Variants in SLC30A5 observed in about 807,000 individuals in gnomAD.
SLC30A5 encodes solute carrier family 30 member 5, also known as proton-coupled zinc antiporter SLC30A5.
SLC30A5 carries 33 observed loss-of-function variants against 79.6 expected under a neutral mutation model. That is an observed-to-expected ratio of 0.41 (90% CI 0.31 to 0.55). The LOEUF is 0.55. Ranked by LOEUF, SLC30A5 falls within the 20% of genes least tolerant of loss-of-function variation. SLC30A5 has a pLI of 0.20. For synonymous variants in SLC30A5, 299 were observed against 319.7 expected (o/e 0.94, Z 0.69); for missense variants, 788 against 928.1 (o/e 0.85, Z 1.96).
intron 13 of SLC30A5, 152 bp downstream of exon 13, chr5:69,122,047 A>G (rs1746550403): frequency 1.6e-6 from 1 of 612,414 alleles, no homozygotes; most frequent in Non-Finnish European, 2.9e-6. Context: ...TCACTATAGA[A>G]AATATTCTTA....
rs1746796302 is a variant in SLC30A5 at position 69,129,571 on chromosome 5, AAATGG to A, written c.2256_2260del (p.Met752IlefsTer15). The A allele has an allele frequency of 1.9e-6, 3 of 1,613,262 alleles. No homozygotes were observed. The East Asian group carries it at 6.7e-5, about 36-fold the overall frequency. On this transcript the variant is annotated frameshift_variant, in exon 16 of 16. Transcript: ENST00000396591. LOFTEE classifies it high-confidence loss of function. ...CATGATGTTCTGGCTATGACAAAACAAATGGAATCCATGAAATACTGCAAAGATGG... is the reference window on the plus strand; with the variant it reads ...CATGATGTTCTGGCTATGACAAAACAAATCCATGAAATACTGCAAAGATGG...
intron 1 of SLC30A5, among the ~76,000 whole-genome samples, chr5:69,097,114 T>TTTC (rs1745762786): frequency 3.3e-5 from 3 of 90,006 alleles, no homozygotes; most frequent in Admixed American, 1.1e-4. Context: ...TTTTTCTTTT[T>TTTC]TTTTTTTTTT....
chr5:69,101,556 C>T (rs1745920221), intron 2 of SLC30A5, among the ~76,000 whole-genome samples: 1 of 150,914 alleles, frequency 6.6e-6, no homozygotes. Context: ...GGATTACAGG[C>T]ATGAGCCACC....
intron 4 of SLC30A5, among the ~76,000 whole-genome samples, chr5:69,105,204 T>A (rs1746049840): frequency 6.6e-6 from 1 of 152,180 alleles, no homozygotes; most frequent in African/African-American, 2.4e-5. Context: ...CTACTCCCAT[T>A]TCATATTTCC....
Position 69,100,892 on chromosome 5 carries a change from G to A in SLC30A5, c.169G>A (p.Val57Ile). The change falls in exon 2 of 16, where the codon GTT becomes ATT. Residue 57 changes from valine to isoleucine, a missense_variant. Coordinates refer to ENST00000396591, the MANE Select transcript of SLC30A5 (RefSeq NM_022902.5). ...CGAATCATATGATCTCCTAAAAGCT[G>A]TTCACATTGTTCAGTTCATTTTTAT... ...LFESYDLLKA[V>I]HIVQFIFILK... 6.3e-7 allele frequency: 1 copy of A among 1,588,484 alleles called. No homozygotes were observed. Among genetic ancestry groups the A allele is most frequent in the Non-Finnish European group, 8.6e-7 (1 of 1,164,452 alleles).
intron 12 of SLC30A5, among the ~76,000 whole-genome samples, chr5:69,119,042 C>T (rs1047518901): frequency 6.6e-6 from 1 of 152,016 alleles, no homozygotes; most frequent in East Asian, 1.9e-4. Context: ...CTCAAGCAAT[C>T]CTCCCACCTT....
At chr5:69,099,114 A>G (rs983871421) in intron 1 of SLC30A5, among the ~76,000 whole-genome samples, 42 of 152,250 alleles carry the variant, frequency 2.8e-4, no homozygotes, top group African/African-American at 9.4e-4. Flanking sequence ...CTAAGTAAAT[A>G]GTACAAATAA....
At chr5:69,123,154 T>C (rs1746580063) in intron 13 of SLC30A5, 45 bp from the exon 14 acceptor site, 1 of 1,372,152 alleles carries the variant, frequency 7.3e-7, no homozygotes, top group Non-Finnish European at 1.0e-6. Context: ...AAAACTAAAT[T>C]AGATGTGCCT....
intron 1 of SLC30A5, among the ~76,000 whole-genome samples, chr5:69,095,451 C>T (rs988140446): frequency 1.3e-5 from 2 of 152,082 alleles, no homozygotes; most frequent in African/African-American, 2.4e-5. Context: ...CGGCCTGCCT[C>T]GGTCTTCCAA....
At chr5:69,096,632 A>G (rs534660785) in intron 1 of SLC30A5, among the ~76,000 whole-genome samples, 21 of 152,132 alleles carry the variant, frequency 1.4e-4, no homozygotes, top group Admixed American at 2.0e-4. Context: ...TTTAACTCCA[A>G]TATCCCAAAA....
intron 11 of SLC30A5, among the ~76,000 whole-genome samples, chr5:69,117,918 G>C (rs1268309772): frequency 6.7e-6 from 1 of 149,850 alleles, no homozygotes; most frequent in Non-Finnish European, 1.5e-5. Context: ...GCTCACGCCT[G>C]TAATCCCAGC....
rs796493077 is a variant in SLC30A5 at position 69,130,439 on chromosome 5, C to T, written c.*822C>T. 7.9e-5 allele frequency: 12 copies of T among 152,268 alleles called. 1 individual carries two copies. Among genetic ancestry groups the T allele is most frequent in the African/African-American group, 2.9e-4 (12 of 41,560 alleles). The allele number at this position is 152,268 out of a possible 1,614,324, so 9.4% of individuals were successfully genotyped here. ...TATCCAAGCAGTGGTAAGCTTTCATCCTTTCTTAGCTCCATAACGTTGTGA... is the reference window on the plus strand; with the variant it reads ...TATCCAAGCAGTGGTAAGCTTTCATTCTTTCTTAGCTCCATAACGTTGTGA... On this transcript the variant is annotated 3_prime_UTR_variant, in exon 16 of 16. Transcript: ENST00000396591.
intron 12 of SLC30A5, among the ~76,000 whole-genome samples, 158 bp downstream of exon 12, chr5:69,118,786 C>T (rs1386695885): frequency 1.3e-5 from 2 of 149,600 alleles, no homozygotes; most frequent in Non-Finnish European, 3.0e-5. Context: ...TATACTGCTC[C>T]CTCTTAGAAA....
intron 5 of SLC30A5, among the ~76,000 whole-genome samples, chr5:69,112,445 T>A (rs1462496582): frequency 6.6e-6 from 1 of 152,088 alleles, no homozygotes; most frequent in Non-Finnish European, 1.5e-5. Context: ...CTAGACCTGG[T>A]CTCTACAAAT....
At chr5:69,110,034 C>T (rs1746189615) in intron 5 of SLC30A5, among the ~76,000 whole-genome samples, 1 of 152,120 alleles carries the variant, frequency 6.6e-6, no homozygotes, top group African/African-American at 2.4e-5. Context: ...ATTGCTGACC[C>T]CCTACATAGA....
intron 3 of SLC30A5, among the ~76,000 whole-genome samples, chr5:69,103,739 C>T (rs976662109): frequency 6.6e-6 from 1 of 152,182 alleles, no homozygotes; most frequent in Non-Finnish European, 1.5e-5. Flanking sequence ...GTGATTCAAA[C>T]TAGAAATGTC....
chr5:69,127,473 C>CAAAAAAAAA (rs70989993), intron 14 of SLC30A5, among the ~76,000 whole-genome samples: 23 of 77,598 alleles, frequency 3.0e-4, no homozygotes, highest in African/African-American at 8.0e-4. Flanking sequence ...TACTAAAATA[C>CAAAAAAAAA]AAAAAAAAAA....
rs1024346923 is a variant in SLC30A5, at chr5:69,130,232, C to G, written c.*615C>G. 1.3e-5 allele frequency: 2 copies of G among 151,996 alleles called. No individual in the cohort carries two copies. The highest frequency in any genetic ancestry group is 4.8e-5 in the African/African-American group (2 of 41,392). 9.4% of individuals were successfully genotyped at this position (151,996 alleles called of 1,614,324 possible). On this transcript the variant is annotated 3_prime_UTR_variant, in exon 16 of 16. Transcript: ENST00000396591. The stretch of plus-strand genomic sequence containing the variant: ...TTTTTGATGTATTACAAAAATCAAC[C>G]ACTCTATAAAATAAATTTTTTTTAC...
chr5:69,103,986 G>T, intron 3 of SLC30A5: 2 of 1,563,512 alleles, frequency 1.3e-6, no homozygotes, highest in South Asian at 1.2e-5. Context: ...AAAAATTCCT[G>T]GTAGAAAAGA....
Sources: gnomAD v4.1 joint callset for allele counts (sites outside exome capture counted in the v4.1 genomes callset) on GRCh38, gnomAD v4.1.1 for gene constraint, MANE v1.5 for transcripts, NCBI Gene and HGNC (gene_info 2026-07-23, HGNC 2026-07-21) for gene names.